DCAF17: variants seen among roughly 807,000 people sequenced by gnomAD.
DCAF17 encodes the protein DDB1- and CUL4-associated factor 17.
DCAF17 carries 48 observed loss-of-function variants against 66.0 expected under a neutral mutation model. The ratio of observed to expected loss-of-function variants is 0.73; its 90% CI spans 0.58 to 0.92. The LOEUF (loss-of-function observed/expected upper bound fraction) is 0.92. Ranked by LOEUF, DCAF17 falls within the 40% of genes least tolerant of loss-of-function variation. The pLI, the probability that DCAF17 is intolerant of heterozygous loss-of-function variation, is 0.00. For synonymous variants in DCAF17, 206 were observed against 214.6 expected, an observed-to-expected ratio of 0.96 and a Z score of 0.35; for missense variants, 562 against 622.8, an observed-to-expected ratio of 0.90 and a Z score of 1.04.
chr2:171,458,483 GCTACT>G lies in DCAF17; in HGVS notation c.838+10_838+14del, dbSNP rs1695389114. ...TTGTAATATTAAAATCACAGGTATGGCTACTCTATAGTATTTTTTCACCTTAAAAA... is the reference window on the plus strand; with the variant it reads ...TTGTAATATTAAAATCACAGGTATGGCTATAGTATTTTTTCACCTTAAAAA... On this transcript the variant is annotated splice_region_variant and intron_variant, in intron 8 of 13. Coordinates refer to ENST00000375255, the MANE Select transcript of DCAF17 (RefSeq NM_025000.4). 3.8e-6 allele frequency: 6 copies of G among 1,597,996 alleles called. No individual in the cohort carries two copies. Among genetic ancestry groups the G allele is most frequent in the Non-Finnish European group, 5.1e-6 (6 of 1,165,736 alleles).
At chr2:171,480,952 A>G in intron 13 of DCAF17, 22 bp from the exon 14 acceptor site, 1 of 1,613,496 alleles carries the variant, frequency 6.2e-7, no homozygotes, top group Non-Finnish European at 8.5e-7. Context: ...AAAGGACTCC[A>G]TATGATTGTG....
At position 171,481,968 on chromosome 2, in the gene DCAF17, T is replaced by G. The variant is rs1025859018; in HGVS notation, c.*854T>G. On this transcript the variant is annotated 3_prime_UTR_variant, in exon 14 of 14. Transcript: ENST00000375255. ...GTACCCTTGCCTGCAGTAGTTCTGT[T>G]TCCTGTAGAAAAGTGGATAAAGAGT... The G allele has an allele frequency of 2.2e-6, 1 of 453,962 alleles. No individual in the cohort carries two copies. The highest frequency in any genetic ancestry group is 2.0e-5 in the African/African-American group (1 of 49,996). 28.1% of individuals were successfully genotyped at this position (453,962 alleles called of 1,614,324 possible).
Position 171,481,318 on chromosome 2 carries a change from T to C in DCAF17, c.*204T>C, listed in dbSNP as rs1696735912. The C allele has an allele frequency of 1.5e-6, 1 of 673,032 alleles. No individual in the cohort carries two copies. The allele number at this position is 673,032 out of a possible 1,614,324, so 41.7% of individuals were successfully genotyped here. A position where few individuals can be genotyped will look rare whatever the true frequency, so the allele number is the denominator to read the frequency against. ...CATTTTTTTTAAAGGTTTTTTAGAATACTGTTCCAAGAAGTTTAGTGTTTT... is the reference window on the plus strand; with the variant it reads ...CATTTTTTTTAAAGGTTTTTTAGAACACTGTTCCAAGAAGTTTAGTGTTTT... On this transcript the variant is annotated 3_prime_UTR_variant, in exon 14 of 14. Transcript: ENST00000375255.
chr2:171,463,236 A>C (rs930967589), intron 8 of DCAF17, among the ~76,000 whole-genome samples: 1 of 151,892 alleles, frequency 6.6e-6, no homozygotes, highest in African/African-American at 2.4e-5. Context: ...AAAAAAAAAA[A>C]AAAACAGAAA....
At chr2:171,475,024 A>C (rs904845562) in intron 10 of DCAF17, among the ~76,000 whole-genome samples, 4 of 152,218 alleles carry the variant, frequency 2.6e-5, no homozygotes, top group Admixed American at 6.5e-5. Context: ...TAACCTTTTA[A>C]TGGCTTTTCA....
intron 3 of DCAF17, among the ~76,000 whole-genome samples, chr2:171,445,251 A>G (rs764451791): frequency 2.6e-5 from 4 of 152,016 alleles, no homozygotes; most frequent in Admixed American, 6.5e-5. Flanking sequence ...CAGCCTCCCA[A>G]GTAGCTGGGA....
At chr2:171,446,945 A>G (rs1258483807) in intron 3 of DCAF17, among the ~76,000 whole-genome samples, 1 of 152,218 alleles carries the variant, frequency 6.6e-6, no homozygotes, top group Non-Finnish European at 1.5e-5. Flanking sequence ...TGTGACCAAT[A>G]TGAAGGGTCA....
At chr2:171,458,508 T>TA (rs1412749464) in intron 8 of DCAF17, 31 bp downstream of exon 8, 2 of 1,516,090 alleles carry the variant, frequency 1.3e-6, no homozygotes, top group East Asian at 2.3e-5. Context: ...TTTTTCACCT[T>TA]AAAAAAATTA....
rs750945995 is a variant in DCAF17, at chr2:171,484,430, G to A, written c.*3316G>A. On this transcript the variant is annotated 3_prime_UTR_variant, in exon 14 of 14. Coordinates refer to ENST00000375255, the MANE Select transcript of DCAF17 (RefSeq NM_025000.4). ...GAATTTTATAGTAAATACTGACCAC[G>A]GGGATTCTACATCTTACTCTACTTG... The A allele has an allele frequency of 1.9e-5, 8 of 413,154 alleles. No homozygotes were observed. In the East Asian group the frequency reaches 2.2e-4, roughly 11 times the overall value. 25.6% of individuals were successfully genotyped at this position (413,154 alleles called of 1,614,324 possible). A position where few individuals can be genotyped will look rare whatever the true frequency, so the allele number is the denominator to read the frequency against.
intron 3 of DCAF17, among the ~76,000 whole-genome samples, chr2:171,444,458 A>G (rs917786531): frequency 6.6e-6 from 1 of 152,216 alleles, no homozygotes; most frequent in African/African-American, 2.4e-5. Flanking sequence ...AATATTATGT[A>G]AAATTATCTT....
Position 171,483,905 on chromosome 2 carries a change from A to C in DCAF17, c.*2791A>C, listed in dbSNP as rs1307366458. On this transcript the variant is annotated 3_prime_UTR_variant, in exon 14 of 14. Coordinates refer to ENST00000375255, the MANE Select transcript of DCAF17 (RefSeq NM_025000.4). The stretch of plus-strand genomic sequence containing the variant: ...CATGAACTTGTGCCAAATTTCCTCC[A>C]AAGTTCTCAAAAGGCAAGGCATGTT... The C allele has an allele frequency of 2.2e-6, 1 of 453,994 alleles. No homozygotes were observed. The highest frequency in any genetic ancestry group is 2.0e-5 in the African/African-American group (1 of 50,000). 28.1% of individuals were successfully genotyped at this position (453,994 alleles called of 1,614,324 possible). A position where few individuals can be genotyped will look rare whatever the true frequency, so the allele number is the denominator to read the frequency against.
At position 171,484,368 on chromosome 2, in the gene DCAF17, A is replaced by G. The variant is rs1310527860; in HGVS notation, c.*3254A>G. 1 of 388,990 alleles carries G rather than the reference A, an allele frequency of 2.6e-6. No homozygotes were observed. Among genetic ancestry groups the G allele is most frequent in the Non-Finnish European group, 4.9e-6 (1 of 202,228 alleles). 24.1% of individuals were successfully genotyped at this position (388,990 alleles called of 1,614,324 possible). ...ACTGAGGTCTTTTTCCCATCATTTT[A>G]TTATGAAAAATGTTCAAACATACAG... On this transcript the variant is annotated 3_prime_UTR_variant, in exon 14 of 14. Transcript: ENST00000375255.
rs1024049018 is a variant in DCAF17 at position 171,476,850 on chromosome 2, C to T, written c.1092-10C>T. 6 of 1,604,738 alleles carry T rather than the reference C, an allele frequency of 3.7e-6. No homozygotes were observed. In the African/African-American group the frequency reaches 8.0e-5, roughly 21 times the overall value. On this transcript the variant is annotated splice_polypyrimidine_tract_variant and intron_variant, in intron 10 of 13. Transcript: ENST00000375255. ...GTCTTAGGTTCTCAGAATCCTTTTT[C>T]CCTTCTCAGAGTTTTGAAGCTAACT...
chr2:171,481,150 G>A lies in DCAF17; in HGVS notation c.*36G>A, dbSNP rs547884737. 9 of 1,612,598 alleles carry A rather than the reference G, an allele frequency of 5.6e-6. No individual in the cohort carries two copies. In the East Asian group the frequency reaches 1.8e-4, roughly 32 times the overall value. The stretch of plus-strand genomic sequence containing the variant: ...ATAATTGTAACCTAAGAGACTTTTA[G>A]CCAAACACCCCAGCAGCTGCGTCCA... On this transcript the variant is annotated 3_prime_UTR_variant, in exon 14 of 14. Coordinates refer to ENST00000375255, the MANE Select transcript of DCAF17 (RefSeq NM_025000.4).
chr2:171,463,245 A>C (rs1250568873), intron 8 of DCAF17, among the ~76,000 whole-genome samples: 2 of 151,748 alleles, frequency 1.3e-5, no homozygotes, highest in African/African-American at 4.8e-5. Context: ...AAAAAACAGA[A>C]AGAAGAATTC....
At chr2:171,477,029 T>G (rs1696530868) in intron 11 of DCAF17, 79 bp downstream of exon 11, 5 of 1,146,092 alleles carry the variant, frequency 4.4e-6, no homozygotes. Context: ...TATATTTGCC[T>G]TTGAGTGTAG....
Position 171,483,848 on chromosome 2 carries a change from C to T in DCAF17, c.*2734C>T. 2 of 454,006 alleles carry T rather than the reference C, an allele frequency of 4.4e-6. No individual in the cohort carries two copies. Among genetic ancestry groups the T allele is most frequent in the Non-Finnish European group, 8.8e-6 (2 of 226,778 alleles). The allele number at this position is 454,006 out of a possible 1,614,324, so 28.1% of individuals were successfully genotyped here. On this transcript the variant is annotated 3_prime_UTR_variant, in exon 14 of 14. Coordinates refer to ENST00000375255, the MANE Select transcript of DCAF17 (RefSeq NM_025000.4). ...CCCAGGGTCCCACAACTAGTCAGTG[C>T]AGAGGTGGGAAACATAACCAGATTT...
intron 3 of DCAF17, among the ~76,000 whole-genome samples, chr2:171,444,818 A>AT (rs1248642205): frequency 7.3e-5 from 11 of 151,436 alleles, no homozygotes; most frequent in South Asian, 2.1e-4. Context: ...TTTATTGTTA[A>AT]TTTTTTTTTC....
chr2:171,458,547 AG>A, intron 8 of DCAF17, 70 bp downstream of exon 8: 2 of 1,171,444 alleles, frequency 1.7e-6, no homozygotes, highest in Non-Finnish European at 2.5e-6. Context: ...TATTAATTAT[AG>A]TCATCCAAAT....
Sources: gnomAD v4.1 joint callset for allele counts (sites outside exome capture counted in the v4.1 genomes callset) on GRCh38, gnomAD v4.1.1 for gene constraint, MANE v1.5 for transcripts, NCBI Gene and HGNC (gene_info 2026-07-23, HGNC 2026-07-21) for gene names.